NBEAL1: variants seen among roughly 807,000 people sequenced by gnomAD.
NBEAL1 encodes the protein neurobeachin like 1.
Under a neutral mutation model 351.3 loss-of-function variants are expected in NBEAL1, and 273 were observed. That is an observed-to-expected ratio of 0.78 (90% CI 0.70 to 0.86). The LOEUF (loss-of-function observed/expected upper bound fraction) is 0.86, where lower values mean the gene tolerates loss of function less well. Ranked by LOEUF, NBEAL1 falls within the 40% of genes least tolerant of loss-of-function variation. The probability of loss-of-function intolerance (pLI) is 0.00; values close to 1 mark genes in which losing one functional copy is unlikely to be tolerated. For missense variants in NBEAL1, 2,961 were observed against 3,201.3 expected (o/e 0.92, Z 1.81); for synonymous variants, 1,050 against 1,086.4 (o/e 0.97, Z 0.66).
At chr2:203,133,016 T>C (rs1339916036) in intron 26 of NBEAL1, 42 bp from the exon 27 acceptor site, 14 of 837,302 alleles carry the variant, frequency 1.7e-5, no homozygotes, top group Non-Finnish European at 2.3e-5. Context: ...TCTTTGGTTA[T>C]CTCTGGTATT....
chr2:203,111,349 G>A (rs957958989), intron 15 of NBEAL1, among the ~76,000 whole-genome samples: 1 of 151,968 alleles, frequency 6.6e-6, no homozygotes, highest in Admixed American at 6.6e-5. Flanking sequence ...AATAAAATGA[G>A]ATGATAGATT....
At chr2:203,065,093 A>C (rs994307032) in intron 6 of NBEAL1, among the ~76,000 whole-genome samples, 4 of 151,978 alleles carry the variant, frequency 2.6e-5, no homozygotes, top group Non-Finnish European at 5.9e-5. Flanking sequence ...CCCCATCTTC[A>C]CAAAAAACAA....
chr2:203,102,718 G>A (rs1009675320), intron 12 of NBEAL1, among the ~76,000 whole-genome samples: 1 of 152,098 alleles, frequency 6.6e-6, no homozygotes, highest in African/African-American at 2.4e-5. Flanking sequence ...CTAATGTTTT[G>A]TTGAAGATTT....
chr2:203,172,631 T>C (rs2064357857), intron 40 of NBEAL1, 98 bp from the exon 41 acceptor site: 16 of 1,018,472 alleles, frequency 1.6e-5, no homozygotes, highest in Admixed American at 2.7e-5. Context: ...TTTTAGAGAC[T>C]ATCCCTTTTT....
chr2:203,195,337 C>T (rs1001845820), intron 47 of NBEAL1, among the ~76,000 whole-genome samples: 2 of 152,078 alleles, frequency 1.3e-5, no homozygotes, highest in African/African-American at 4.8e-5. Context: ...TTTGTGAAAG[C>T]ACTTCAAAAT....
At chr2:203,177,293 A>G (rs1178642439) in intron 42 of NBEAL1, among the ~76,000 whole-genome samples, 1 of 151,554 alleles carries the variant, frequency 6.6e-6, no homozygotes, top group Non-Finnish European at 1.5e-5. Context: ...TCAGCTACTC[A>G]GGAGGCTGAG....
intron 17 of NBEAL1, among the ~76,000 whole-genome samples, chr2:203,115,031 C>T (rs1001083639): frequency 6.6e-6 from 1 of 151,944 alleles, no homozygotes; most frequent in African/African-American, 2.4e-5. Context: ...GGATTACAGG[C>T]GTGAGCCACT....
intron 8 of NBEAL1, among the ~76,000 whole-genome samples, chr2:203,078,067 G>T (rs1193621359): frequency 6.6e-6 from 1 of 152,038 alleles, no homozygotes; most frequent in Non-Finnish European, 1.5e-5. Flanking sequence ...TTTTGGTATT[G>T]TAAGTTCTTA....
chr2:203,094,619 C>T (rs1473955379), intron 10 of NBEAL1, among the ~76,000 whole-genome samples: 3 of 152,068 alleles, frequency 2.0e-5, no homozygotes, highest in Admixed American at 1.3e-4. Flanking sequence ...CGTTGATTTC[C>T]GTAAGTATTT....
At chr2:203,192,050 G>A (rs1221931295) in intron 46 of NBEAL1, among the ~76,000 whole-genome samples, 3 of 152,138 alleles carry the variant, frequency 2.0e-5, no homozygotes, top group Admixed American at 1.3e-4. Context: ...ACTTATAGAT[G>A]TACTTCTGTC....
chr2:203,131,956 T>G lies in NBEAL1; in HGVS notation c.3565-17T>G. ...CTTAATTTTCTATATTGAGAATATA[T>G]TACTTGTCGTGACCAGATTATGGAA... On this transcript the variant is annotated splice_polypyrimidine_tract_variant and intron_variant, in intron 25 of 55. Coordinates refer to ENST00000683969, the MANE Select transcript of NBEAL1 (RefSeq NM_001378026.1). The G allele has an allele frequency of 6.7e-7, 1 of 1,501,590 alleles. No individual in the cohort carries two copies. Among genetic ancestry groups the G allele is most frequent in the South Asian group, 1.3e-5 (1 of 74,744 alleles). 93.0% of individuals were successfully genotyped at this position (1,501,590 alleles called of 1,614,324 possible).
chr2:203,190,159 TACACACACAC>T lies in NBEAL1; in HGVS notation c.6824-92_6824-83del, dbSNP rs71034227. ...TCAAAAAAAAAAAAAAAGATGTGTG[TACACACACAC>T]ACACACACACACACACACACACACA... On this transcript the variant is annotated intron_variant, in intron 45 of 55. Transcript: ENST00000683969. 2.3e-3 allele frequency: 1,051 copies of T among 450,516 alleles called. 18 individuals carry two copies. The highest frequency in any genetic ancestry group is 0.023 in the African/African-American group (945 of 41,540). 27.9% of individuals were successfully genotyped at this position (450,516 alleles called of 1,614,324 possible). A position where few individuals can be genotyped will look rare whatever the true frequency, so the allele number is the denominator to read the frequency against.
intron 51 of NBEAL1, among the ~76,000 whole-genome samples, chr2:203,208,119 C>CA (rs926395025): frequency 7.2e-5 from 11 of 151,758 alleles, no homozygotes; most frequent in African/African-American, 2.7e-4. Context: ...CTCATCTCTA[C>CA]AAAAAAATGT....
intron 35 of NBEAL1, among the ~76,000 whole-genome samples, chr2:203,156,371 T>G (rs2063798534): frequency 6.6e-6 from 1 of 152,224 alleles, no homozygotes; most frequent in Admixed American, 6.5e-5. Flanking sequence ...CAGTCCATCC[T>G]TCATTCTCCA....
Position 203,097,591 on chromosome 2 carries a change from A to G in NBEAL1, c.1143A>G (p.Lys381=). The change falls in exon 11 of 56, where the codon AAA becomes AAG. Residue 381 remains lysine, a synonymous_variant. Coordinates refer to ENST00000683969, the MANE Select transcript of NBEAL1 (RefSeq NM_001378026.1). ...ANNKVADKNE[K]DLANKLLTEM... ...ATAAGGTGGCAGACAAGAACGAGAA[A>G]GACCTTGCCAACAAATTACTGACAG... 1.0e-6 allele frequency: 1 copy of G among 985,820 alleles called. No homozygotes were observed. The highest frequency in any genetic ancestry group is 1.2e-6 in the Non-Finnish European group (1 of 829,892). 61.1% of individuals were successfully genotyped at this position (985,820 alleles called of 1,614,324 possible).
intron 2 of NBEAL1, among the ~76,000 whole-genome samples, chr2:203,034,324 A>AT (rs753638949): frequency 1.9e-4 from 28 of 147,460 alleles, no homozygotes; most frequent in Non-Finnish European, 3.1e-4. Flanking sequence ...TATCCAGCTA[A>AT]TTTTTTGTAT....
intron 23 of NBEAL1, among the ~76,000 whole-genome samples, chr2:203,127,411 T>C (rs960806811): frequency 2.0e-5 from 3 of 152,186 alleles, no homozygotes; most frequent in Non-Finnish European, 4.4e-5. Flanking sequence ...ATGAATTCTT[T>C]TATGTAGAAA....
chr2:203,111,403 G>C (rs149024310), intron 15 of NBEAL1, among the ~76,000 whole-genome samples: 3,412 of 151,684 alleles, frequency 0.022, 100 homozygotes, highest in African/African-American at 0.068. Flanking sequence ...ACAGAGTCTC[G>C]CTCTGTCACC....
At chr2:203,046,262 C>CGGGA (rs1461891962) in intron 3 of NBEAL1, among the ~76,000 whole-genome samples, 1 of 151,970 alleles carries the variant, frequency 6.6e-6, no homozygotes, top group Admixed American at 6.6e-5. Flanking sequence ...GTTGCCCAGG[C>CGGGA]GGGAGTGCAG....
Sources: allele counts gnomAD v4.1 joint callset (sites outside exome capture counted in the v4.1 genomes callset), GRCh38; gene constraint gnomAD v4.1.1; transcripts MANE v1.5; gene names NCBI Gene and HGNC (gene_info 2026-07-23, HGNC 2026-07-21).